NPEPL1: variants seen among roughly 807,000 people sequenced by gnomAD.
The protein encoded by NPEPL1 is aminopeptidase like 1.
A neutral mutation model predicts 52.4 loss-of-function variants in NPEPL1; 45 were observed. That is an observed-to-expected ratio of 0.86 (90% CI 0.68 to 1.10). The LOEUF is 1.10. Ranked by LOEUF, NPEPL1 falls within the 50% of genes least tolerant of loss-of-function variation. The pLI is 0.00. For synonymous variants in NPEPL1, 360 were observed against 314.7 expected (o/e 1.14, Z -1.52); for missense variants, 696 against 710.9 (o/e 0.98, Z 0.24).
rs1357596793 is a variant in NPEPL1, at chr20:58,715,414, T to G, written c.*88T>G. The G allele has an allele frequency of 5.9e-6, 8 of 1,354,538 alleles. No individual in the cohort carries two copies. In the East Asian group the frequency reaches 1.1e-4, roughly 18 times the overall value. The allele number at this position is 1,354,538 out of a possible 1,614,324, so 83.9% of individuals were successfully genotyped here. A position where few individuals can be genotyped will look rare whatever the true frequency, so the allele number is the denominator to read the frequency against. On this transcript the variant is annotated 3_prime_UTR_variant, in exon 12 of 12. Transcript: ENST00000356091. ...AGCAATTGAAAGATTGCCCTTCATA[T>G]GGGTTTTGGTTTGTCTTTCTGGTCG...
intron 2 of NPEPL1, 29 bp from the exon 3 acceptor site, chr20:58,694,393 C>A: frequency 6.4e-7 from 1 of 1,573,812 alleles, no homozygotes; most frequent in Non-Finnish European, 8.6e-7. Context: ...GCCCTTGCAC[C>A]CCTCACGCCG....
At chr20:58,714,148 G>T in intron 10 of NPEPL1, 55 bp downstream of exon 10, 1 of 1,501,438 alleles carries the variant, frequency 6.7e-7, no homozygotes. Flanking sequence ...CCGGGCAGGC[G>T]GAGCCCTGCC....
At position 58,692,945 on chromosome 20, in the gene NPEPL1, G is replaced by T; in HGVS notation, c.45G>T (p.Ser15=). The change falls in exon 1 of 12, where the codon TCG becomes TCT. Residue 15 remains serine, a synonymous_variant. Coordinates refer to ENST00000356091, the MANE Select transcript of NPEPL1 (RefSeq NM_024663.4). The surrounding 1 kb of genome is among the most constrained non-coding windows in gnomAD (Gnocchi z 5.7). ...GLQFQASAGD[S]DPQSRPLLLL... ...AGTTCCAGGCGAGCGCGGGGGACTC[G>T]GACCCACAGAGCCGGCCCCTGCTGC... The T allele has an allele frequency of 8.6e-7, 1 of 1,162,302 alleles. No individual in the cohort carries two copies. Among genetic ancestry groups the T allele is most frequent in the Admixed American group, 3.6e-5 (1 of 28,054 alleles). 72.0% of individuals were successfully genotyped at this position (1,162,302 alleles called of 1,614,324 possible).
At chr20:58,704,237 C>T (rs553174365) in intron 6 of NPEPL1, 1 of 985,386 alleles carries the variant, frequency 1.0e-6, no homozygotes, top group East Asian at 1.1e-4. Context: ...GAAATGGTCA[C>T]TCCTCAAAAA....
upstream of NPEPL1, chr20:58,691,913 G>T: frequency 1.1e-6 from 1 of 913,868 alleles, no homozygotes; most frequent in Non-Finnish European, 1.8e-6. Context: ...ATCTGACCCT[G>T]TGGGTGGGAC....
At position 58,698,503 on chromosome 20, in the gene NPEPL1, C is replaced by T. The variant is rs548445689; in HGVS notation, c.508-181C>T. ...TTCTTTCTACAGGTGGCCGGTGGCC[C>T]TGGGTTGCTGGGGGTGGGGCAGGCA... is the stretch of plus-strand genomic sequence containing the variant. On this transcript the variant is annotated intron_variant, in intron 3 of 11. Coordinates refer to ENST00000356091, the MANE Select transcript of NPEPL1 (RefSeq NM_024663.4). 2.6e-5 allele frequency among the ~76,000 whole-genome samples: 4 copies of T among 152,188 alleles called. No individual in the cohort carries two copies. The South Asian group carries it at 8.3e-4, about 32-fold the overall frequency.
At position 58,693,014 on chromosome 20, in the gene NPEPL1, C is replaced by T. The variant is rs1303039873; in HGVS notation, c.114C>T (p.His38=). 5.4e-6 allele frequency: 6 copies of T among 1,105,490 alleles called. No individual in the cohort carries two copies. Among genetic ancestry groups the T allele is most frequent in the Non-Finnish European group, 6.7e-6 (6 of 896,964 alleles). The allele number at this position is 1,105,490 out of a possible 1,614,324, so 68.5% of individuals were successfully genotyped here. The change falls in exon 1 of 12, where the codon CAC becomes CAT. Residue 38 remains histidine, a synonymous_variant. Coordinates refer to ENST00000356091, the MANE Select transcript of NPEPL1 (RefSeq NM_024663.4). ...ACCTGCACCGCGTGCCCTGGAGCCA[C>T]GTCCGCGGGAAGCTGCAGCCCCGGG... ...LHHLHRVPWS[H]VRGKLQPRVT...
chr20:58,700,957 G>A, intron 5 of NPEPL1, 59 bp from the exon 6 acceptor site: 1 of 1,379,738 alleles, frequency 7.2e-7, no homozygotes, highest in South Asian at 1.7e-5. Context: ...AGGGGCCTCT[G>A]GGAGTTCCCC....
chr20:58,693,113 G>A (rs1240538992), intron 1 of NPEPL1, 63 bp downstream of exon 1: 2 of 975,714 alleles, frequency 2.0e-6, no homozygotes, highest in Non-Finnish European at 2.4e-6. Flanking sequence ...GGCGGCCCGC[G>A]GAGGCCCCGC....
In NPEPL1 at chr20:58,715,590, T is replaced by G; in HGVS notation, c.*264T>G. On this transcript the variant is annotated 3_prime_UTR_variant, in exon 12 of 12. Coordinates refer to ENST00000356091, the MANE Select transcript of NPEPL1 (RefSeq NM_024663.4). ...TCTGTAAACTGCTACCCCTGGGGCC[T>G]TCTGCACCCCGGGGTGAGGCCTCCT... is the stretch of plus-strand genomic sequence containing the variant. 2 of 323,654 alleles carry G rather than the reference T, an allele frequency of 6.2e-6. No homozygotes were observed. Among genetic ancestry groups the G allele is most frequent in the Non-Finnish European group, 5.6e-6 (1 of 177,114 alleles). 20.0% of individuals were successfully genotyped at this position (323,654 alleles called of 1,614,324 possible).
At chr20:58,707,650 C>G (rs1020532450) in intron 7 of NPEPL1, among the ~76,000 whole-genome samples, 2 of 148,410 alleles carry the variant, frequency 1.3e-5, no homozygotes, top group Non-Finnish European at 3.0e-5. Context: ...CCCCCTTCCT[C>G]TCTTGCGTGG....
At chr20:58,689,866 C>A (rs1333468412), upstream of NPEPL1, among the ~76,000 whole-genome samples, 3 of 152,130 alleles carry the variant, frequency 2.0e-5, no homozygotes, top group Admixed American at 1.3e-4. Context: ...CAAAGCCTCA[C>A]GGGTCCTGTA....
At position 58,694,529 on chromosome 20, in the gene NPEPL1, G is replaced by A. The variant is rs374171424; in HGVS notation, c.444G>A (p.Thr148=). 138 of 1,613,864 alleles carry A rather than the reference G, an allele frequency of 8.6e-5. No individual in the cohort carries two copies. Among genetic ancestry groups the A allele is most frequent in the Non-Finnish European group, 1.1e-4 (129 of 1,179,880 alleles). Residue 148 remains threonine, a synonymous_variant, in exon 3 of 12, where the codon ACG becomes ACA. Coordinates refer to ENST00000356091, the MANE Select transcript of NPEPL1 (RefSeq NM_024663.4). ...CCTCTCGGCGCTTGGAGAAGAAGAC[G>A]GTCACCGTGGAGTTTTTCCTGGTGG... The part of the protein sequence containing the change: ...SGASRRLEKK[T]VTVEFFLVGQ...
rs1413623570 is a variant in NPEPL1, at chr20:58,713,856, G to C, written c.1126-61G>C. On this transcript the variant is annotated intron_variant, in intron 9 of 11. Transcript: ENST00000356091. The surrounding 1 kb of genome is among the most constrained non-coding windows in gnomAD (Gnocchi z 4.6). ...CTGTCTGCCTCCCGGTCCCTCTTTTGCCTTGGGTGTTTCTCTCCTGCCGTC... is the reference window on the plus strand; with the variant it reads ...CTGTCTGCCTCCCGGTCCCTCTTTTCCCTTGGGTGTTTCTCTCCTGCCGTC... The C allele has an allele frequency of 7.1e-7, 1 of 1,400,042 alleles. No homozygotes were observed. Among genetic ancestry groups the C allele is most frequent in the Admixed American group, 3.3e-5 (1 of 30,648 alleles). 86.7% of individuals were successfully genotyped at this position (1,400,042 alleles called of 1,614,324 possible).
chr20:58,711,002 CA>C (rs1208196572), intron 7 of NPEPL1: 1 of 152,170 alleles, frequency 6.6e-6, no homozygotes, highest in Non-Finnish European at 1.5e-5. Flanking sequence ...GCCCAGCCTT[CA>C]GCGGGTAGCA....
intron 7 of NPEPL1, among the ~76,000 whole-genome samples, chr20:58,709,637 G>A (rs1406706616): frequency 6.6e-6 from 1 of 152,216 alleles, no homozygotes; most frequent in Non-Finnish European, 1.5e-5. Context: ...GTGTCCCAGG[G>A]CATGTCACCA....
At chr20:58,693,085 C>G in intron 1 of NPEPL1, 35 bp downstream of exon 1, 1 of 999,588 alleles carries the variant, frequency 1.0e-6, no homozygotes, top group South Asian at 4.5e-5. Context: ...CGACCCGCGC[C>G]GCGGAAGCCC....
intron 3 of NPEPL1, among the ~76,000 whole-genome samples, chr20:58,696,186 T>G (rs1428108068): frequency 1.3e-5 from 2 of 152,110 alleles, no homozygotes; most frequent in Non-Finnish European, 2.9e-5. Flanking sequence ...CTCAGTCCCT[T>G]CCCCTCCTGT....
At chr20:58,698,659 C>A (rs944546020) in intron 3 of NPEPL1, 25 bp from the exon 4 acceptor site, 5 of 1,602,548 alleles carry the variant, frequency 3.1e-6, no homozygotes, top group Non-Finnish European at 3.4e-6. Flanking sequence ...CACCTGGTCC[C>A]CAGTGATGGC....
Sources: gnomAD v4.1 joint callset for allele counts (sites outside exome capture counted in the v4.1 genomes callset) on GRCh38, gnomAD v4.1.1 for gene constraint, Gnocchi (gnomAD v3.1) non-coding constraint, MANE v1.5 for transcripts, NCBI Gene and HGNC (gene_info 2026-07-23, HGNC 2026-07-21) for gene names.